DPYSL5: variants seen among roughly 807,000 people sequenced by gnomAD.
The protein encoded by DPYSL5 is dihydropyrimidinase-related protein 5.
DPYSL5 carries 9 observed loss-of-function variants against 58.4 expected under a neutral mutation model. That is an observed-to-expected ratio of 0.15 (90% CI 0.09 to 0.27). DPYSL5 has a LOEUF of 0.27. DPYSL5 is among the 10% of genes least tolerant of loss of function. The pLI is 1.00. For missense variants in DPYSL5, 499 were observed against 770.6 expected (o/e 0.65, Z 4.17); for synonymous variants, 293 against 301.9 (o/e 0.97, Z 0.31).
intron 1 of DPYSL5, among the ~76,000 whole-genome samples, chr2:26,863,356 C>G (rs933720220): frequency 3.9e-5 from 6 of 152,230 alleles, no homozygotes; most frequent in African/African-American, 9.6e-5. Flanking sequence ...ACCTGCCCCC[C>G]AGGCATGTAC....
rs945624180 is a variant in DPYSL5 at position 26,933,691 on chromosome 2, G to A, written c.790+358G>A. ...CCTTGGCAACTAACATAAAATGCTG[G>A]ACCAGTTTCAGTGGGCATTTCAGGG... On this transcript the variant is annotated intron_variant, in intron 7 of 12. Transcript: ENST00000288699. The surrounding 1 kb of genome is among the most constrained non-coding windows in gnomAD (Gnocchi z 4.2). Among the ~76,000 whole-genome samples, 1 of 152,190 alleles carries A rather than the reference G, an allele frequency of 6.6e-6. No homozygotes were observed. The highest frequency in any genetic ancestry group is 1.5e-5 in the Non-Finnish European group (1 of 68,040).
At position 26,927,547 on chromosome 2, in the gene DPYSL5, T is replaced by A; in HGVS notation, c.600+115T>A. The A allele has an allele frequency of 7.3e-7, 1 of 1,364,598 alleles. No homozygotes were observed. The highest frequency in any genetic ancestry group is 9.9e-7 in the Non-Finnish European group (1 of 1,012,658). The allele number at this position is 1,364,598 out of a possible 1,614,324, so 84.5% of individuals were successfully genotyped here. ...ACAGGATTCAGACAAAATCAGTTGT[T>A]AAAGTGTGAGGTGTGGACACCCCAG... On this transcript the variant is annotated intron_variant, in intron 4 of 12. Coordinates refer to ENST00000288699, the MANE Select transcript of DPYSL5 (RefSeq NM_020134.4). This position sits in a 1 kb window ranked among gnomAD's most constrained non-coding sequence, Gnocchi z 4.3.
At chr2:26,935,009 T>A (rs933238353) in intron 8 of DPYSL5, among the ~76,000 whole-genome samples, 2 of 152,192 alleles carry the variant, frequency 1.3e-5, no homozygotes, top group East Asian at 3.8e-4. Context: ...CATTGATCTC[T>A]TACTCTAAAG....
Position 26,924,747 on chromosome 2 carries a change from A to C in DPYSL5, c.262-140A>C. 2 of 1,247,304 alleles carry C rather than the reference A, an allele frequency of 1.6e-6. No homozygotes were observed. Among genetic ancestry groups the C allele is most frequent in the Non-Finnish European group, 2.1e-6 (2 of 934,142 alleles). 77.3% of individuals were successfully genotyped at this position (1,247,304 alleles called of 1,614,324 possible). On this transcript the variant is annotated intron_variant, in intron 2 of 12. Transcript: ENST00000288699. This position sits in a 1 kb window ranked among gnomAD's most constrained non-coding sequence, Gnocchi z 4.7. ...CCACATGGCTCTTTACAGTTTCCCAAACCTCGCTGCCCTTGGTCCTCACAG... is the reference window on the plus strand; with the variant it reads ...CCACATGGCTCTTTACAGTTTCCCACACCTCGCTGCCCTTGGTCCTCACAG...
intron 5 of DPYSL5, among the ~76,000 whole-genome samples, chr2:26,928,706 C>T (rs78378415): frequency 0.53 from 22,528 of 42,870 alleles, 6,116 homozygotes; most frequent in Middle Eastern, 0.68. Context: ...TATATATATA[C>T]ACACACACAC....
At chr2:26,888,255 T>TTCTTTCTTTCTTTCTGTCTTTCTTTCTG (rs1553316479) in intron 1 of DPYSL5, among the ~76,000 whole-genome samples, 66 of 108,250 alleles carry the variant, frequency 6.1e-4, no homozygotes, top group African/African-American at 2.9e-3. Context: ...CTTTCTTTCT[T>TTCTTTCTTTCTTTCTGTCTTTCTTTCTG]TCTTTCTTTC....
chr2:26,851,052 A>T (rs1665738111), intron 1 of DPYSL5, among the ~76,000 whole-genome samples: 1 of 152,202 alleles, frequency 6.6e-6, no homozygotes, highest in Non-Finnish European at 1.5e-5. Context: ...ACACACAAAC[A>T]TGGATTCAGA....
chr2:26,901,831 T>A (rs1205259916), intron 2 of DPYSL5, among the ~76,000 whole-genome samples: 1 of 123,968 alleles, frequency 8.1e-6, no homozygotes, highest in African/African-American at 3.1e-5. Context: ...GCAGCTGGAC[T>A]AGGAAAACAA....
At chr2:26,903,436 G>T (rs1664211119) in intron 2 of DPYSL5, among the ~76,000 whole-genome samples, 1 of 152,202 alleles carries the variant, frequency 6.6e-6, no homozygotes, top group South Asian at 2.1e-4. Flanking sequence ...GGTCTGGATA[G>T]GGACCCCTTT....
At chr2:26,931,148 A>T (rs1395577078) in intron 5 of DPYSL5, among the ~76,000 whole-genome samples, 42 of 39,356 alleles carry the variant, frequency 1.1e-3, no homozygotes, top group Non-Finnish European at 1.6e-3. Flanking sequence ...AAAAAAAAAA[A>T]AAAAATATAT....
Position 26,934,262 on chromosome 2 carries a change from C to T in DPYSL5, c.791-316C>T, listed in dbSNP as rs994597933. On this transcript the variant is annotated intron_variant, in intron 7 of 12. Transcript: ENST00000288699. The surrounding 1 kb of genome is among the most constrained non-coding windows in gnomAD (Gnocchi z 4.3). ...TGGCCCTGCATGCCTGTTCACCCAC[C>T]GTCAAGCTCCATCTGCCAACAGCAC... Among the ~76,000 whole-genome samples the T allele has an allele frequency of 3.3e-5, 5 of 152,196 alleles. No homozygotes were observed. The highest frequency in any genetic ancestry group is 7.3e-5 in the Non-Finnish European group (5 of 68,040).
At position 26,942,945 on chromosome 2, in the gene DPYSL5, C is replaced by T. The variant is rs548868615; in HGVS notation, c.1440+195C>T. Among the ~76,000 whole-genome samples the T allele has an allele frequency of 3.9e-4, 59 of 152,336 alleles. No individual in the cohort carries two copies. In the South Asian group the frequency reaches 3.9e-3, roughly 10 times the overall value. On this transcript the variant is annotated intron_variant, in intron 11 of 12. Transcript: ENST00000288699. This position sits in a 1 kb window ranked among gnomAD's most constrained non-coding sequence, Gnocchi z 5.9. ...GTCAGAAAATGCTGATTTCTGTTCC[C>T]CGTCTTTGATTACCAAGTGGCATTT...
At chr2:26,914,617 A>G (rs1664519871) in intron 2 of DPYSL5, among the ~76,000 whole-genome samples, 1 of 152,204 alleles carries the variant, frequency 6.6e-6, no homozygotes, top group South Asian at 2.1e-4. Flanking sequence ...GAGGAGGGGA[A>G]GCAGGGATTT....
intron 1 of DPYSL5, among the ~76,000 whole-genome samples, chr2:26,883,160 G>A (rs999094673): frequency 2.0e-5 from 3 of 152,078 alleles, no homozygotes; most frequent in Non-Finnish European, 4.4e-5. Flanking sequence ...AATAGCAAAT[G>A]CCTTCATAAT....
At chr2:26,848,943 C>G (rs889086492) in intron 1 of DPYSL5, among the ~76,000 whole-genome samples, 1 of 152,202 alleles carries the variant, frequency 6.6e-6, no homozygotes, top group Admixed American at 6.5e-5. Context: ...CTTGCAGCAT[C>G]GATCTCAGCG....
At position 26,934,623 on chromosome 2, in the gene DPYSL5, C is replaced by A; in HGVS notation, c.836C>A (p.Thr279Lys). Residue 279 changes from threonine (T) to lysine (K), a missense_variant, in exon 8 of 13, where the codon ACA becomes AAA. By Grantham distance (78) the Thr-to-Lys change is moderately conservative. Around this residue, in one of 3 missense-constraint regions of DPYSL5, gnomAD observed 404 missense variants for 647.6 expected, o/e 0.62. Transcript: ENST00000288699. The surrounding 1 kb of genome is among the most constrained non-coding windows in gnomAD (Gnocchi z 4.3). Reference sequence around the variant, plus strand: ...ACCACCACTGCACATGCCACGCTGACAGGCTTACACTACTACCACCAGGAC... The same window carrying A: ...ACCACCACTGCACATGCCACGCTGAAAGGCTTACACTACTACCACCAGGAC... Reference protein sequence around the residue: ...AETTTAHATLTGLHYYHQDWS... With the variant: ...AETTTAHATLKGLHYYHQDWS... 1 of 1,613,854 alleles carries A rather than the reference C, an allele frequency of 6.2e-7. No homozygotes were observed. Among genetic ancestry groups the A allele is most frequent in the Non-Finnish European group, 8.5e-7 (1 of 1,180,028 alleles).
At chr2:26,912,888 TTTTCTCCATTC>T (rs1255992466) in intron 2 of DPYSL5, among the ~76,000 whole-genome samples, 2 of 152,128 alleles carry the variant, frequency 1.3e-5, no homozygotes, top group African/African-American at 2.4e-5. Context: ...TCACTTGGGT[TTTTCTCCATTC>T]TTTGAGGAAT....
At chr2:26,915,981 G>A (rs1664552681) in intron 2 of DPYSL5, among the ~76,000 whole-genome samples, 1 of 152,148 alleles carries the variant, frequency 6.6e-6, no homozygotes, top group African/African-American at 2.4e-5. Flanking sequence ...CACAGGAAGT[G>A]TTTGATGATG....
Position 26,934,765 on chromosome 2 carries a change from T to G in DPYSL5, c.947+31T>G. ...GCGTTTCAGCAGCACATTGCAGGGA[T>G]GTGTACATCTTTAGGAAGACGTCAT... On this transcript the variant is annotated intron_variant, in intron 8 of 12. Transcript: ENST00000288699. This position sits in a 1 kb window ranked among gnomAD's most constrained non-coding sequence, Gnocchi z 4.3. The G allele has an allele frequency of 3.7e-6, 6 of 1,611,618 alleles. No individual in the cohort carries two copies. The highest frequency in any genetic ancestry group is 3.4e-6 in the Non-Finnish European group (4 of 1,178,556).
Sources: allele counts gnomAD v4.1 joint callset (sites outside exome capture counted in the v4.1 genomes callset), GRCh38; gene constraint gnomAD v4.1.1; regional missense constraint gnomAD v4.1.1; non-coding constraint Gnocchi (gnomAD v3.1); transcripts MANE v1.5; gene names NCBI Gene and HGNC (gene_info 2026-07-23, HGNC 2026-07-21).